ABI3BP: variants seen among roughly 807,000 people sequenced by gnomAD.
ABI3BP encodes the protein target of Nesh-SH3.
ABI3BP carries 216 observed loss-of-function variants against 268.6 expected under a neutral mutation model. That is an observed-to-expected ratio of 0.80 (90% CI 0.72 to 0.90). The LOEUF is 0.90. Among genes scored for constraint, ABI3BP ranks in the 40% least tolerant of loss-of-function variants. The probability of loss-of-function intolerance (pLI) is 0.00; values close to 1 mark genes in which losing one functional copy is unlikely to be tolerated. For missense variants in ABI3BP, 2,090 were observed against 2,182.4 expected (o/e 0.96, Z 0.84); for synonymous variants, 730 against 730.0 (o/e 1.00, Z 0.00).
chr3:100,848,772 A>T, intron 18 of ABI3BP, 29 bp downstream of exon 18: 4 of 1,592,194 alleles, frequency 2.5e-6, no homozygotes, highest in Non-Finnish European at 3.4e-6. Flanking sequence ...CTGGAATTAC[A>T]TATCATGTAA....
intron 1 of ABI3BP, among the ~76,000 whole-genome samples, chr3:100,971,555 G>T (rs2083575900): frequency 6.6e-6 from 1 of 152,130 alleles, no homozygotes; most frequent in Non-Finnish European, 1.5e-5. Flanking sequence ...TTAGATATTA[G>T]GGTCACCAGG....
At chr3:100,838,143 G>T in intron 26 of ABI3BP, 67 bp downstream of exon 26, 1 of 1,436,880 alleles carries the variant, frequency 7.0e-7, no homozygotes, top group Non-Finnish European at 9.5e-7. Context: ...ATGACAGATT[G>T]GAAACATTTT....
intron 26 of ABI3BP, 89 bp from the exon 27 acceptor site, chr3:100,837,260 CAG>C (rs1473219199): frequency 1.4e-5 from 14 of 1,021,150 alleles, no homozygotes; most frequent in Admixed American, 2.6e-5. Context: ...TCAGAGGACA[CAG>C]AGTCTAGTTT....
chr3:100,884,256 A>G (rs1444785653), intron 6 of ABI3BP, among the ~76,000 whole-genome samples: 1 of 151,972 alleles, frequency 6.6e-6, no homozygotes, highest in Non-Finnish European at 1.5e-5. Context: ...CAAAAAACCA[A>G]CCAAACAGAC....
intron 47 of ABI3BP, 143 bp downstream of exon 47, chr3:100,811,585 G>A (rs911217632): frequency 4.8e-6 from 4 of 826,144 alleles, no homozygotes; most frequent in Admixed American, 2.9e-5. Flanking sequence ...AAGAATTCAA[G>A]AATGTTGGAA....
Position 100,847,693 on chromosome 3 carries a change from A to C in ABI3BP, c.1577-20T>G. ...TTCTTTCTGGTGATGGAAAGGAAAA[A>C]AATATTGAAATATCCTAGAGACAAT... On this transcript the variant is annotated intron_variant, in intron 18 of 67. Transcript: ENST00000471714. 6.3e-7 allele frequency: 1 copy of C among 1,587,158 alleles called. No individual in the cohort carries two copies. Among genetic ancestry groups the C allele is most frequent in the Non-Finnish European group, 8.7e-7 (1 of 1,155,652 alleles).
intron 1 of ABI3BP, among the ~76,000 whole-genome samples, chr3:100,971,031 T>C (rs1379238957): frequency 2.0e-5 from 3 of 152,212 alleles, no homozygotes; most frequent in Admixed American, 1.3e-4. Flanking sequence ...TAATTATAAC[T>C]GTTTCAAGGA....
At chr3:100,862,937 C>A in intron 12 of ABI3BP, 28 bp from the exon 13 acceptor site, 1 of 1,484,794 alleles carries the variant, frequency 6.7e-7, no homozygotes, top group Non-Finnish European at 9.0e-7. Flanking sequence ...AAGAAAGTTA[C>A]GACCTGAGGT....
At chr3:100,933,595 A>T (rs2064575071) in intron 1 of ABI3BP, among the ~76,000 whole-genome samples, 1 of 150,260 alleles carries the variant, frequency 6.7e-6, no homozygotes, top group Non-Finnish European at 1.5e-5. Flanking sequence ...AACAAGAAAA[A>T]AAAAAGGCAA....
chr3:100,886,361 GA>G, intron 4 of ABI3BP, 38 bp from the exon 5 acceptor site: 1 of 1,409,558 alleles, frequency 7.1e-7, no homozygotes, highest in Non-Finnish European at 9.4e-7. Context: ...TAAAATCACA[GA>G]GGGATTCAGA....
intron 36 of ABI3BP, 49 bp downstream of exon 36, chr3:100,824,809 G>A (rs1017961408): frequency 2.9e-5 from 42 of 1,470,230 alleles, no homozygotes; most frequent in Non-Finnish European, 3.5e-5. Context: ...AGTCCCCACT[G>A]CGACAGGCTG....
chr3:100,853,456 A>T (rs1268802810), intron 14 of ABI3BP, among the ~76,000 whole-genome samples: 1 of 152,250 alleles, frequency 6.6e-6, no homozygotes, highest in African/African-American at 2.4e-5. Flanking sequence ...CTACAAAATA[A>T]GAAAAACTTT....
intron 4 of ABI3BP, among the ~76,000 whole-genome samples, chr3:100,890,217 C>CT (rs2043924449): frequency 6.6e-6 from 1 of 152,126 alleles, no homozygotes; most frequent in African/African-American, 2.4e-5. Context: ...TGATTAACTA[C>CT]TTTTACATTT....
At chr3:100,890,870 A>G (rs1165962110) in intron 4 of ABI3BP, among the ~76,000 whole-genome samples, 3 of 151,638 alleles carry the variant, frequency 2.0e-5, no homozygotes, top group African/African-American at 4.9e-5. Flanking sequence ...ATCCAAGTAT[A>G]TTTTCTTACA....
intron 11 of ABI3BP, 66 bp from the exon 12 acceptor site, chr3:100,864,142 G>T: frequency 2.0e-6 from 2 of 1,015,822 alleles, no homozygotes; most frequent in South Asian, 2.7e-5. Context: ...GCTTAACCAT[G>T]ATCATGCACA....
intron 1 of ABI3BP, among the ~76,000 whole-genome samples, chr3:100,986,711 C>T (rs1328992143): frequency 6.6e-6 from 1 of 152,060 alleles, no homozygotes; most frequent in African/African-American, 2.4e-5. Context: ...AAGTAATCTG[C>T]TCACCTCGGC....
chr3:100,931,998 A>G (rs937810701), intron 1 of ABI3BP, among the ~76,000 whole-genome samples: 1 of 151,982 alleles, frequency 6.6e-6, no homozygotes, highest in African/African-American at 2.4e-5. Flanking sequence ...GTACTAGTAC[A>G]AAAACAGACA....
rs58342344 is a variant in ABI3BP at position 100,894,938 on chromosome 3, C to CAAAAAAAAAAAAAAA, written c.461+3809_461+3823dup. Among the ~76,000 whole-genome samples, 49 of 37,718 alleles carry CAAAAAAAAAAAAAAA rather than the reference C, an allele frequency of 1.3e-3. 3 individuals are homozygous for CAAAAAAAAAAAAAAA. Among genetic ancestry groups the CAAAAAAAAAAAAAAA allele is most frequent in the East Asian group, 4.7e-3 (3 of 636 alleles). 24.7% of individuals were successfully genotyped at this position (37,718 alleles called of 152,430 possible). ...TGGGCGACAGAGCGGGATTCCGCTT[C>CAAAAAAAAAAAAAAA]AAAAAAAAAAAAAAAAAAAAAAAAA... is the stretch of plus-strand genomic sequence containing the variant. On this transcript the variant is annotated intron_variant, in intron 4 of 67. Coordinates refer to ENST00000471714, the MANE Select transcript of ABI3BP (RefSeq NM_001375547.2).
chr3:100,764,054 G>C (rs959025781), intron 63 of ABI3BP, among the ~76,000 whole-genome samples: 1 of 151,884 alleles, frequency 6.6e-6, no homozygotes, highest in Non-Finnish European at 1.5e-5. Flanking sequence ...TCCACTTACC[G>C]TTACTCATGC....
Sources: allele counts gnomAD v4.1 joint callset (sites outside exome capture counted in the v4.1 genomes callset), GRCh38; gene constraint gnomAD v4.1.1; transcripts MANE v1.5; gene names NCBI Gene and HGNC (gene_info 2026-07-23, HGNC 2026-07-21).